TRAP1: variants seen among roughly 807,000 people sequenced by gnomAD.
TRAP1 encodes the protein heat shock protein 75 kDa, mitochondrial.
A neutral mutation model predicts 89.1 loss-of-function variants in TRAP1; 102 were observed. That is an observed-to-expected ratio of 1.15 (90% confidence interval 0.98 to 1.35). The LOEUF is 1.35. TRAP1 is among the 40% of genes most tolerant of loss of function. The probability of loss-of-function intolerance (pLI) is 0.00; values close to 1 mark genes in which losing one functional copy is unlikely to be tolerated. For synonymous variants in TRAP1, 508 were observed against 388.0 expected, an observed-to-expected ratio of 1.31 and a Z score of -3.64; for missense variants, 1,256 against 945.3, an observed-to-expected ratio of 1.33 and a Z score of -4.31.
chr16:3,685,937 G>A (rs1240710733), intron 4 of TRAP1, 59 bp downstream of exon 4: 22 of 1,582,370 alleles, frequency 1.4e-5, no homozygotes, highest in African/African-American at 2.7e-5. Context: ...ACTAGAAGGC[G>A]GATCCTGTCC....
At chr16:3,705,321 G>A (rs752636418) in intron 1 of TRAP1, among the ~76,000 whole-genome samples, 1 of 151,918 alleles carries the variant, frequency 6.6e-6, no homozygotes, top group Admixed American at 6.6e-5. Flanking sequence ...CGCCCGCATC[G>A]GCCTCCCAAA....
At chr16:3,679,435 A>C (rs965081390) in intron 5 of TRAP1, among the ~76,000 whole-genome samples, 2 of 152,192 alleles carry the variant, frequency 1.3e-5, no homozygotes, top group African/African-American at 4.8e-5. Flanking sequence ...TAAAGCATAC[A>C]AGAAGATGTG....
chr16:3,705,213 C>T (rs910170593), intron 1 of TRAP1, among the ~76,000 whole-genome samples: 3 of 151,730 alleles, frequency 2.0e-5, no homozygotes, highest in Non-Finnish European at 2.9e-5. Flanking sequence ...TACAGGCGCC[C>T]GCCACCACAC....
intron 17 of TRAP1, chr16:3,658,494 C>T: frequency 5.2e-6 from 3 of 572,514 alleles, no homozygotes; most frequent in Non-Finnish European, 9.3e-6. Flanking sequence ...CCATCCTGGC[C>T]AAGATGGTGA....
In TRAP1 at chr16:3,690,786, A is replaced by T. The variant is rs2051203026; in HGVS notation, c.247+41T>A. The stretch of plus-strand genomic sequence containing the variant: ...AATGCCCCTTTACGCACAGCAGTGA[A>T]CCAAAAAGCCCTCCCAGACCAAAGC... On this transcript the variant is annotated intron_variant, in intron 2 of 17. Transcript: ENST00000246957. 2.2e-6 allele frequency: 3 copies of T among 1,347,974 alleles called. No individual in the cohort carries two copies. The South Asian group carries it at 6.7e-5, about 30-fold the overall frequency. 83.5% of individuals were successfully genotyped at this position (1,347,974 alleles called of 1,614,324 possible). A position where few individuals can be genotyped will look rare whatever the true frequency, so the allele number is the denominator to read the frequency against.
chr16:3,677,794 T>A (rs188951997), intron 5 of TRAP1, 136 bp from the exon 6 acceptor site: 1 of 1,011,726 alleles, frequency 9.9e-7, no homozygotes, highest in Admixed American at 2.8e-5. Flanking sequence ...TTCCACCCCA[T>A]TCTACACGTG....
intron 1 of TRAP1, among the ~76,000 whole-genome samples, chr16:3,711,780 C>A (rs189199025): frequency 6.6e-6 from 1 of 152,218 alleles, no homozygotes; most frequent in East Asian, 1.9e-4. Flanking sequence ...TTGTTAAATG[C>A]TGTGGAACTA....
chr16:3,703,565 C>T (rs2051398121), intron 1 of TRAP1, among the ~76,000 whole-genome samples: 1 of 151,976 alleles, frequency 6.6e-6, no homozygotes, highest in Non-Finnish European at 1.5e-5. Context: ...TGCAAGGACA[C>T]CCAAAAACTG....
intron 1 of TRAP1, among the ~76,000 whole-genome samples, chr16:3,703,405 A>G (rs1183078566): frequency 2.3e-4 from 35 of 151,936 alleles, no homozygotes; most frequent in Non-Finnish European, 1.5e-5. Flanking sequence ...AATGCTGTGT[A>G]ATGTGTGCTG....
chr16:3,694,565 T>C (rs1248380228), intron 1 of TRAP1, among the ~76,000 whole-genome samples: 1 of 152,196 alleles, frequency 6.6e-6, no homozygotes, highest in Non-Finnish European at 1.5e-5. Flanking sequence ...CTCCAACTCC[T>C]GACCTCAAGT....
intron 5 of TRAP1, 125 bp from the exon 6 acceptor site, chr16:3,677,783 T>C: frequency 1.8e-6 from 2 of 1,131,892 alleles, no homozygotes; most frequent in South Asian, 3.2e-5. Flanking sequence ...ACCGAGTACT[T>C]TTCCACCCCA....
intron 11 of TRAP1, among the ~76,000 whole-genome samples, chr16:3,670,113 T>C (rs2050891637): frequency 6.6e-6 from 1 of 151,982 alleles, no homozygotes; most frequent in Admixed American, 6.6e-5. Context: ...CCGGGCGCAG[T>C]GGCTCAAACC....
intron 4 of TRAP1, among the ~76,000 whole-genome samples, chr16:3,683,274 T>C (rs1353502476): frequency 6.6e-6 from 1 of 151,904 alleles, no homozygotes. Context: ...TGTGGGATGC[T>C]GGGAGAGAAA....
chr16:3,682,640 G>A (rs372239043), intron 4 of TRAP1, among the ~76,000 whole-genome samples: 34 of 152,202 alleles, frequency 2.2e-4, no homozygotes, highest in African/African-American at 4.8e-4. Context: ...CAATCTGCCC[G>A]CCACGGCCTC....
chr16:3,683,400 T>C (rs1199246546), intron 4 of TRAP1, among the ~76,000 whole-genome samples: 1 of 151,822 alleles, frequency 6.6e-6, no homozygotes, highest in African/African-American at 2.4e-5. Flanking sequence ...TTTTTTTTTT[T>C]TTTGAGACGA....
intron 11 of TRAP1, among the ~76,000 whole-genome samples, chr16:3,666,493 A>G (rs2151245988): frequency 6.6e-6 from 1 of 152,338 alleles, no homozygotes; most frequent in East Asian, 1.9e-4. Flanking sequence ...GGCACATAAA[A>G]TATAACAATT....
At chr16:3,675,559 C>G (rs1475161396) in intron 7 of TRAP1, among the ~76,000 whole-genome samples, 162 bp from the exon 8 acceptor site, 1 of 152,142 alleles carries the variant, frequency 6.6e-6, no homozygotes, top group Admixed American at 6.5e-5. Flanking sequence ...ACCTGTCCTC[C>G]CCCCAGTCTC....
At chr16:3,658,898 C>T (rs374814523) in intron 16 of TRAP1, 33 bp from the exon 17 acceptor site, 1 of 1,611,260 alleles carries the variant, frequency 6.2e-7, no homozygotes, top group Non-Finnish European at 8.5e-7. Context: ...AAAAGCAGCT[C>T]AGTACCACGT....
At chr16:3,661,929 C>T (rs2043100066) in intron 16 of TRAP1, 58 bp downstream of exon 16, 2 of 1,525,826 alleles carry the variant, frequency 1.3e-6, no homozygotes, top group Non-Finnish European at 8.8e-7. Flanking sequence ...CAAAAGAACA[C>T]CACACACAGG....
Sources: allele counts gnomAD v4.1 joint callset (sites outside exome capture counted in the v4.1 genomes callset), GRCh38; gene constraint gnomAD v4.1.1; transcripts MANE v1.5; gene names NCBI Gene and HGNC (gene_info 2026-07-23, HGNC 2026-07-21).